Variants in LHFPL3 observed in about 807,000 individuals in gnomAD.
LHFPL3 encodes LHFPL tetraspan subfamily member 3, also known as LHFPL tetraspan subfamily member 3 protein.
LHFPL3 carries 5 observed loss-of-function variants against 19.3 expected under a neutral mutation model. The observed-to-expected ratio is 0.26, with a 90% CI of 0.14 to 0.54. The LOEUF (loss-of-function observed/expected upper bound fraction) is 0.54. Ranked by LOEUF, LHFPL3 falls within the 20% of genes least tolerant of loss-of-function variation. The probability of loss-of-function intolerance (pLI) is 0.94; values close to 1 mark genes in which losing one functional copy is unlikely to be tolerated. For missense variants in LHFPL3, 249 were observed against 307.4 expected, an observed-to-expected ratio of 0.81 and a Z score of 1.42; for synonymous variants, 133 against 126.2, an observed-to-expected ratio of 1.05 and a Z score of -0.36.
At chr7:104,561,904 C>T (rs1175855088) in intron 1 of LHFPL3, among the ~76,000 whole-genome samples, 1 of 152,040 alleles carries the variant, frequency 6.6e-6, no homozygotes, top group African/African-American at 2.4e-5. Context: ...TCAGCATTTG[C>T]TTGTCTGTAA....
chr7:104,330,821 T>C (rs1394972587), intron 1 of LHFPL3, among the ~76,000 whole-genome samples: 1 of 152,188 alleles, frequency 6.6e-6, no homozygotes, highest in East Asian at 1.9e-4. Flanking sequence ...AGATTTGGAA[T>C]AAATTCATGT....
intron 1 of LHFPL3, among the ~76,000 whole-genome samples, chr7:104,536,313 A>G (rs1339321360): frequency 6.6e-6 from 1 of 152,208 alleles, no homozygotes; most frequent in African/African-American, 2.4e-5. Context: ...AAGCTATGAA[A>G]AAATGATCAT....
chr7:104,717,927 G>A (rs1421959943), intron 1 of LHFPL3, among the ~76,000 whole-genome samples: 1 of 152,150 alleles, frequency 6.6e-6, no homozygotes, highest in African/African-American at 2.4e-5. Context: ...TGGACAGATA[G>A]ATGGATTACA....
intron 1 of LHFPL3, among the ~76,000 whole-genome samples, chr7:104,571,464 CCTTTCG>C: frequency 6.6e-6 from 1 of 152,280 alleles, no homozygotes. Flanking sequence ...TAACACCCCT[CCTTTCG>C]CCAGCTTTTC....
chr7:104,741,657 T>C (rs1230526764), intron 2 of LHFPL3, among the ~76,000 whole-genome samples: 1 of 151,924 alleles, frequency 6.6e-6, no homozygotes, highest in African/African-American at 2.4e-5. Flanking sequence ...TGCCTTAGCC[T>C]CTGGAGTAGC....
intron 2 of LHFPL3, among the ~76,000 whole-genome samples, chr7:104,806,311 G>C (rs1790361071): frequency 6.6e-6 from 1 of 152,158 alleles, no homozygotes; most frequent in South Asian, 2.1e-4. Context: ...TATGTCTTTT[G>C]AATTATTAAT....
chr7:104,397,566 C>G (rs1426759941), intron 1 of LHFPL3, among the ~76,000 whole-genome samples: 1 of 152,040 alleles, frequency 6.6e-6, no homozygotes, highest in Non-Finnish European at 1.5e-5. Context: ...TAGTTTCCCC[C>G]GGGGGACGGC....
chr7:104,782,041 C>G (rs1258026034), intron 2 of LHFPL3, among the ~76,000 whole-genome samples: 3 of 152,144 alleles, frequency 2.0e-5, no homozygotes, highest in Non-Finnish European at 4.4e-5. Context: ...TATCATGGAC[C>G]AGGAATTCAG....
intron 1 of LHFPL3, among the ~76,000 whole-genome samples, chr7:104,626,784 T>A (rs891512808): frequency 1.1e-4 from 16 of 152,190 alleles, no homozygotes; most frequent in African/African-American, 3.1e-4. Flanking sequence ...CTTCTTTGAA[T>A]CAATTTAGAC....
At chr7:104,626,086 A>G (rs574622700) in intron 1 of LHFPL3, among the ~76,000 whole-genome samples, 1 of 152,348 alleles carries the variant, frequency 6.6e-6, no homozygotes, top group African/African-American at 2.4e-5. Flanking sequence ...AAATAAGACA[A>G]TGATATTATG....
chr7:104,788,006 C>T (rs1271453226), intron 2 of LHFPL3, among the ~76,000 whole-genome samples: 10 of 152,170 alleles, frequency 6.6e-5, no homozygotes, highest in African/African-American at 2.4e-5. Flanking sequence ...TTATCTTTGT[C>T]GAGTTCTTTC....
chr7:104,830,325 CTTTAG>C (rs994266566), intron 2 of LHFPL3, among the ~76,000 whole-genome samples: 2 of 151,740 alleles, frequency 1.3e-5, no homozygotes, highest in Non-Finnish European at 1.5e-5. Flanking sequence ...TGCAGAAGCT[CTTTAG>C]TTTAATTAGA....
rs910672214 is a variant in LHFPL3, at chr7:104,558,235, A to T, written c.446-178440A>T. Among the ~76,000 whole-genome samples, 237 of 151,634 alleles carry T rather than the reference A, an allele frequency of 1.6e-3. 1 individual carries two copies. The highest frequency in any genetic ancestry group is 6.8e-3 in the Middle Eastern group (2 of 294). On this transcript the variant is annotated intron_variant, in intron 1 of 2. Coordinates refer to ENST00000424859, the MANE Select transcript of LHFPL3 (RefSeq NM_199000.3). ...GATCAAATGGTATTTCCAGTTCTAG[A>T]TCCCTGAGGAATCGCCACACTGACT... is the stretch of plus-strand genomic sequence containing the variant.
chr7:104,445,158 A>G (rs78240753), intron 1 of LHFPL3, among the ~76,000 whole-genome samples: 2,545 of 152,194 alleles, frequency 0.017, 87 homozygotes, highest in East Asian at 0.13. Context: ...TAAGATGTGT[A>G]TATGTGGTGG....
intron 2 of LHFPL3, among the ~76,000 whole-genome samples, chr7:104,793,092 C>T (rs921850277): frequency 1.3e-5 from 2 of 152,140 alleles, no homozygotes; most frequent in Non-Finnish European, 2.9e-5. Context: ...GACGGGGTTC[C>T]ACCTTGTTGG....
chr7:104,589,747 T>A (rs961648633), intron 1 of LHFPL3, among the ~76,000 whole-genome samples: 3 of 152,170 alleles, frequency 2.0e-5, no homozygotes, highest in Non-Finnish European at 4.4e-5. Context: ...GGTCCTGGAC[T>A]TTTTTTGGTT....
chr7:104,668,852 G>T, intron 1 of LHFPL3: 1 of 1,612,042 alleles, frequency 6.2e-7, no homozygotes, highest in Non-Finnish European at 8.5e-7. Flanking sequence ...TGACACAGCT[G>T]CTAGAGAAAG....
chr7:104,766,206 T>A (rs1443370741), intron 2 of LHFPL3, among the ~76,000 whole-genome samples: 7 of 152,202 alleles, frequency 4.6e-5, no homozygotes, highest in Non-Finnish European at 1.0e-4. Flanking sequence ...ACTTTGTTGA[T>A]ATGGGAGATT....
intron 1 of LHFPL3, among the ~76,000 whole-genome samples, chr7:104,578,581 G>A (rs1206539220): frequency 6.6e-6 from 1 of 151,948 alleles, no homozygotes; most frequent in Non-Finnish European, 1.5e-5. Flanking sequence ...ATTTTATATT[G>A]GGATCTCCTG....
Sources: allele counts gnomAD v4.1 joint callset (sites outside exome capture counted in the v4.1 genomes callset), GRCh38; gene constraint gnomAD v4.1.1; transcripts MANE v1.5; gene names NCBI Gene and HGNC (gene_info 2026-07-23, HGNC 2026-07-21).